Variants in DCAF5 observed in about 807,000 individuals in gnomAD.
DCAF5 encodes DDB1- and CUL4-associated factor 5.
A neutral mutation model predicts 80.7 loss-of-function variants in DCAF5; 9 were observed. The ratio of observed to expected loss-of-function variants is 0.11; its 90% CI spans 0.07 to 0.19. The LOEUF is 0.19. DCAF5 is among the 10% of genes least tolerant of loss of function. The pLI is 1.00. For synonymous variants in DCAF5, 433 were observed against 461.9 expected (o/e 0.94, Z 0.80); for missense variants, 842 against 1,205.7 (o/e 0.70, Z 4.47).
At chr14:69,109,313 T>C (rs1595014460) in intron 5 of DCAF5, among the ~76,000 whole-genome samples, 1 of 148,578 alleles carries the variant, frequency 6.7e-6, no homozygotes, top group Admixed American at 6.8e-5. Flanking sequence ...CACTCTAGCC[T>C]GGGAGACAGA....
At chr14:69,144,818 C>T (rs530022523) in intron 1 of DCAF5, among the ~76,000 whole-genome samples, 8 of 152,156 alleles carry the variant, frequency 5.3e-5, no homozygotes, top group Non-Finnish European at 8.8e-5. Flanking sequence ...AGAGAAACAG[C>T]ACCTGCCTGG....
chr14:69,086,452 T>C (rs1489517997), intron 6 of DCAF5, among the ~76,000 whole-genome samples: 3 of 150,126 alleles, frequency 2.0e-5, no homozygotes, highest in Non-Finnish European at 3.0e-5. Flanking sequence ...AAGATATAAA[T>C]GGCAAGGAGA....
intron 6 of DCAF5, among the ~76,000 whole-genome samples, chr14:69,081,111 C>T (rs1038439597): frequency 3.9e-5 from 6 of 152,074 alleles, no homozygotes; most frequent in South Asian, 2.1e-4. Context: ...AAACTCACTT[C>T]GCACAGCCTT....
chr14:69,054,142 C>T lies in DCAF5; in HGVS notation c.2544G>A (p.Gly848=), dbSNP rs1210281751. The change falls in exon 9 of 9, where the codon GGG becomes GGA. Residue 848 remains glycine, a synonymous_variant. Transcript: ENST00000341516. ...HPRPPHPHNN[G]QNLGELEVVA... is the part of the protein sequence containing the mutation. ...CCACCTCCAGCTCCCCCAAGTTCTG[C>T]CCGTTATTGTGAGGGTGAGGGGGAC... 6.2e-7 allele frequency: 1 copy of T among 1,614,240 alleles called. No homozygotes were observed. Among genetic ancestry groups the T allele is most frequent in the Admixed American group, 1.7e-5 (1 of 60,032 alleles).
intron 5 of DCAF5, among the ~76,000 whole-genome samples, chr14:69,101,589 A>C (rs2039954430): frequency 6.6e-6 from 1 of 152,366 alleles, no homozygotes; most frequent in African/African-American, 2.4e-5. Flanking sequence ...AAAGAAGATA[A>C]ATCTGGATAT....
At chr14:69,070,265 G>C (rs1473043666) in intron 7 of DCAF5, among the ~76,000 whole-genome samples, 1 of 152,124 alleles carries the variant, frequency 6.6e-6, no homozygotes, top group African/African-American at 2.4e-5. Flanking sequence ...ATATTTTCAA[G>C]AGACACCTAC....
rs1156759675 is a variant in DCAF5, at chr14:69,053,826, TTTGTAGC to T, written c.*24_*30del. The T allele has an allele frequency of 6.4e-7, 1 of 1,557,220 alleles. No individual in the cohort carries two copies. The highest frequency in any genetic ancestry group is 8.6e-7 in the Non-Finnish European group (1 of 1,161,264). On this transcript the variant is annotated 3_prime_UTR_variant, in exon 9 of 9. Transcript: ENST00000341516. ...ATTTTTTTTTTTTTGTAAGGCTACT[TTTGTAGC>T]TTTTTGTTTTCCCTTTGTATTTATC...
chr14:69,095,578 T>A (rs1306499832), intron 5 of DCAF5, among the ~76,000 whole-genome samples: 3 of 152,122 alleles, frequency 2.0e-5, no homozygotes, highest in Non-Finnish European at 4.4e-5. Context: ...AACCACTCAA[T>A]TGGACTTCTT....
In DCAF5 at chr14:69,053,816, T is replaced by G; in HGVS notation, c.*41A>C. ...TCACTAAACAATTTTTTTTTTTTTGTAAGGCTACTTTTGTAGCTTTTTGTT... is the reference window on the plus strand; with the variant it reads ...TCACTAAACAATTTTTTTTTTTTTGGAAGGCTACTTTTGTAGCTTTTTGTT... On this transcript the variant is annotated 3_prime_UTR_variant, in exon 9 of 9. Transcript: ENST00000341516. 2 of 1,520,926 alleles carry G rather than the reference T, an allele frequency of 1.3e-6. No homozygotes were observed. Among genetic ancestry groups the G allele is most frequent in the South Asian group, 2.6e-5 (2 of 77,662 alleles). The allele number at this position is 1,520,926 out of a possible 1,614,324, so 94.2% of individuals were successfully genotyped here. A position where few individuals can be genotyped will look rare whatever the true frequency, so the allele number is the denominator to read the frequency against.
chr14:69,063,917 G>C (rs1594934239), intron 7 of DCAF5, among the ~76,000 whole-genome samples: 1 of 152,128 alleles, frequency 6.6e-6, no homozygotes, highest in Non-Finnish European at 1.5e-5. Context: ...TATTTGAATT[G>C]TCCAGAATGG....
At chr14:69,127,360 C>A (rs978952531) in intron 1 of DCAF5, among the ~76,000 whole-genome samples, 10 of 152,146 alleles carry the variant, frequency 6.6e-5, no homozygotes, top group Non-Finnish European at 1.5e-4. Context: ...ACCTTAAGTA[C>A]ACATTACCAA....
At chr14:69,101,484 G>C (rs1411270912) in intron 5 of DCAF5, among the ~76,000 whole-genome samples, 1 of 152,228 alleles carries the variant, frequency 6.6e-6, no homozygotes, top group Non-Finnish European at 1.5e-5. Flanking sequence ...CTACTGGGGA[G>C]ACAGGAGTGG....
chr14:69,105,914 C>CATTCATATAT (rs1555374844), intron 5 of DCAF5, among the ~76,000 whole-genome samples: 1 of 49,970 alleles, frequency 2.0e-5, no homozygotes, highest in Non-Finnish European at 5.7e-5. Flanking sequence ...AATAAACTGT[C>CATTCATATAT]ATATATATAT....
intron 1 of DCAF5, among the ~76,000 whole-genome samples, chr14:69,140,075 G>A (rs1264960583): frequency 6.6e-6 from 1 of 152,004 alleles, no homozygotes; most frequent in Non-Finnish European, 1.5e-5. Context: ...AGACTAGCCT[G>A]GGCGACGTAG....
chr14:69,122,111 C>T, intron 2 of DCAF5, 106 bp downstream of exon 2: 1 of 1,355,996 alleles, frequency 7.4e-7, no homozygotes, highest in South Asian at 1.4e-5. Context: ...CCAGTAATTC[C>T]ACAGCTCAAT....
chr14:69,095,059 C>T (rs1293502311), intron 5 of DCAF5, among the ~76,000 whole-genome samples: 1 of 152,168 alleles, frequency 6.6e-6, no homozygotes, highest in Non-Finnish European at 1.5e-5. Flanking sequence ...CATGTCTGTT[C>T]GCAGAAGGAT....
At chr14:69,144,580 A>G (rs1178920559) in intron 1 of DCAF5, among the ~76,000 whole-genome samples, 1 of 152,026 alleles carries the variant, frequency 6.6e-6, no homozygotes, top group Non-Finnish European at 1.5e-5. Context: ...CCGTTTAAAA[A>G]AAAAAGATTA....
chr14:69,091,361 T>G (rs2039527064), intron 6 of DCAF5, among the ~76,000 whole-genome samples: 1 of 152,210 alleles, frequency 6.6e-6, no homozygotes, highest in Non-Finnish European at 1.5e-5. Flanking sequence ...TAATTTTCCA[T>G]GGATTCCCTC....
chr14:69,054,581 G>A lies in DCAF5; in HGVS notation c.2105C>T (p.Pro702Leu). ...GRAGTSHKDN[P>L]APSSSKEACL... ...GGCTTCCTTACTGGAAGAAGGGGCTGGGTTGTCTTTGTGGCTGGTTCCTGC... is the reference window on the plus strand; with the variant it reads ...GGCTTCCTTACTGGAAGAAGGGGCTAGGTTGTCTTTGTGGCTGGTTCCTGC... Residue 702 changes from proline (P) to leucine (L), a missense_variant, in exon 9 of 9, where the codon CCA becomes CTA. Pro to Leu is a moderately conservative substitution (Grantham distance 98). Transcript: ENST00000341516. The A allele has an allele frequency of 2.5e-6, 4 of 1,614,196 alleles. No individual in the cohort carries two copies. The highest frequency in any genetic ancestry group is 3.3e-4 in the Middle Eastern group (2 of 6,042).
Sources: gnomAD v4.1 joint callset for allele counts (sites outside exome capture counted in the v4.1 genomes callset) on GRCh38, gnomAD v4.1.1 for gene constraint, MANE v1.5 for transcripts, NCBI Gene and HGNC (gene_info 2026-07-23, HGNC 2026-07-21) for gene names.